ARHGEF3: variants seen among roughly 807,000 people sequenced by gnomAD.
ARHGEF3 encodes the protein 59.8 kDA protein.
ARHGEF3 carries 28 observed loss-of-function variants against 63.2 expected under a neutral mutation model. The observed-to-expected ratio is 0.44, with a 90% CI of 0.33 to 0.61. The LOEUF (loss-of-function observed/expected upper bound fraction) is 0.61. Ranked by LOEUF, ARHGEF3 falls within the 20% of genes least tolerant of loss-of-function variation. The pLI, the probability that ARHGEF3 is intolerant of heterozygous loss-of-function variation, is 0.03. For missense variants in ARHGEF3, 533 were observed against 659.3 expected (o/e 0.81, Z 2.10); for synonymous variants, 266 against 254.2 (o/e 1.05, Z -0.44).
chr3:56,882,026 C>T (rs966481352), intron 4 of ARHGEF3, among the ~76,000 whole-genome samples: 1 of 152,254 alleles, frequency 6.6e-6, no homozygotes, highest in African/African-American at 2.4e-5. Context: ...TATCTAGATT[C>T]TACCCAGATG....
chr3:56,990,004 A>C (rs1174583520), intron 2 of ARHGEF3, among the ~76,000 whole-genome samples: 2 of 152,226 alleles, frequency 1.3e-5, no homozygotes, highest in Non-Finnish European at 2.9e-5. Context: ...ATCAAGGGCA[A>C]GAATTATTTA....
chr3:57,068,819 A>G (rs2129820), intron 1 of ARHGEF3, among the ~76,000 whole-genome samples: 33,556 of 152,050 alleles, frequency 0.22, 4,271 homozygotes, highest in East Asian at 0.48. Flanking sequence ...ATGTGCACAC[A>G]CACGCACACA....
At chr3:56,794,488 CAAAAAAAAAA>C (rs10557985) in intron 1 of ARHGEF3, among the ~76,000 whole-genome samples, 251 of 116,914 alleles carry the variant, frequency 2.1e-3, no homozygotes, top group Non-Finnish European at 3.6e-3. Context: ...GACTCTATCT[CAAAAAAAAAA>C]AAAAAAAAAA....
intron 4 of ARHGEF3, among the ~76,000 whole-genome samples, chr3:56,832,634 T>G (rs2038968465): frequency 2.0e-5 from 3 of 152,158 alleles, no homozygotes; most frequent in Admixed American, 1.3e-4. Flanking sequence ...TAACATAAAA[T>G]TTACCATTTT....
intron 4 of ARHGEF3, among the ~76,000 whole-genome samples, chr3:56,838,775 A>G (rs1449251298): frequency 2.0e-5 from 3 of 152,258 alleles, no homozygotes; most frequent in East Asian, 3.9e-4. Flanking sequence ...AGATCAACAC[A>G]CTATAGCAAA....
intron 3 of ARHGEF3, among the ~76,000 whole-genome samples, chr3:56,953,204 A>C (rs574622241): frequency 6.6e-6 from 1 of 152,216 alleles, no homozygotes; most frequent in Non-Finnish European, 1.5e-5. Context: ...GCCACAATAC[A>C]TACTGACCTG....
Position 57,026,508 on chromosome 3 carries a change from G to A in ARHGEF3, c.62+8580C>T, listed in dbSNP as rs185971372. ...AAGTTGATTGCCCTCCAGAGAAAGC[G>A]TCACACTCTCACCTGGCAGGAATTT... On this transcript the variant is annotated intron_variant, in intron 2 of 12. Transcript: ENST00000338458. Among the ~76,000 whole-genome samples the A allele has an allele frequency of 4.4e-4, 67 of 152,316 alleles. 2 individuals are homozygous for A. The highest frequency in any genetic ancestry group is 2.0e-3 in the Admixed American group (30 of 15,300).
At chr3:57,030,336 G>A (rs1040039817) in intron 2 of ARHGEF3, among the ~76,000 whole-genome samples, 2 of 152,208 alleles carry the variant, frequency 1.3e-5, no homozygotes, top group African/African-American at 4.8e-5. Flanking sequence ...CGGAAGAGGT[G>A]AGCAAGCCAG....
chr3:56,775,837 C>A, intron 1 of ARHGEF3: 1 of 292,288 alleles, frequency 3.4e-6, no homozygotes, highest in Non-Finnish European at 5.1e-6. Flanking sequence ...CTTAAGCATC[C>A]CCTGAATTTG....
At chr3:56,884,281 G>C (rs1262673204) in intron 3 of ARHGEF3, among the ~76,000 whole-genome samples, 1 of 152,050 alleles carries the variant, frequency 6.6e-6, no homozygotes, top group East Asian at 1.9e-4. Context: ...TCAAAACATG[G>C]GTTGGAGGGC....
At chr3:56,988,384 T>A (rs1701622551) in intron 2 of ARHGEF3, among the ~76,000 whole-genome samples, 1 of 152,108 alleles carries the variant, frequency 6.6e-6, no homozygotes, top group South Asian at 2.1e-4. Context: ...CCTAATCTCG[T>A]GATCCACCCG....
At chr3:57,028,065 G>A (rs1703549310) in intron 2 of ARHGEF3, among the ~76,000 whole-genome samples, 1 of 151,138 alleles carries the variant, frequency 6.6e-6, no homozygotes, top group African/African-American at 2.4e-5. Context: ...AGGATGTGGA[G>A]AAATAGGAAC....
intron 3 of ARHGEF3, among the ~76,000 whole-genome samples, chr3:56,889,342 C>T (rs985975429): frequency 3.9e-5 from 6 of 152,128 alleles, no homozygotes; most frequent in Non-Finnish European, 8.8e-5. Flanking sequence ...GCCTGAATAG[C>T]GTGTCCTTAC....
intron 7 of ARHGEF3, among the ~76,000 whole-genome samples, chr3:56,740,822 C>T (rs1273364120): frequency 2.0e-5 from 3 of 152,184 alleles, no homozygotes; most frequent in Non-Finnish European, 2.9e-5. Flanking sequence ...GCGCTTGAGT[C>T]AATTTTCTGA....
At chr3:57,068,796 C>T (rs930593878) in intron 1 of ARHGEF3, among the ~76,000 whole-genome samples, 2 of 152,094 alleles carry the variant, frequency 1.3e-5, no homozygotes, top group Non-Finnish European at 2.9e-5. Flanking sequence ...TTGTGTTTTT[C>T]CCCTAACTTT....
Position 56,801,756 on chromosome 3 carries a change from C to T in ARHGEF3, c.43G>A (p.Ala15Thr). Residue 15 changes from alanine to threonine, a missense_variant, in exon 1 of 10, where the codon GCG becomes ACG. This residue lies in a region of ARHGEF3 where 160 missense variants were observed against 157.3 expected (regional missense o/e 1.02). Transcript: ENST00000296315. ...GGGGGTAGCTCCAGGCTGCAGTTCG[C>T]TCTCTTGACCGTGAGGTAGAAGGGG... Reference protein sequence around the residue: ...DYPFYLTVKRANCSLELPPAS... With the variant: ...DYPFYLTVKRTNCSLELPPAS... The T allele has an allele frequency of 6.4e-7, 1 of 1,569,802 alleles. No individual in the cohort carries two copies. The highest frequency in any genetic ancestry group is 8.6e-7 in the Non-Finnish European group (1 of 1,156,076).
At chr3:56,943,361 C>A (rs890803298) in intron 3 of ARHGEF3, among the ~76,000 whole-genome samples, 2 of 152,186 alleles carry the variant, frequency 1.3e-5, no homozygotes, top group South Asian at 2.1e-4. Flanking sequence ...ATAAAGGGAA[C>A]AACAAAGCCT....
chr3:56,811,207 T>A (rs2038050975), intron 4 of ARHGEF3, among the ~76,000 whole-genome samples: 1 of 152,266 alleles, frequency 6.6e-6, no homozygotes, highest in Non-Finnish European at 1.5e-5. Flanking sequence ...CTCTTGGGAC[T>A]TGATTTACAA....
intron 2 of ARHGEF3, among the ~76,000 whole-genome samples, chr3:57,015,148 C>T (rs548192115): frequency 5.9e-5 from 9 of 152,312 alleles, no homozygotes; most frequent in East Asian, 1.9e-4. Context: ...TATACAGCCA[C>T]GCTCATTCAC....
Sources: gnomAD v4.1 joint callset for allele counts (sites outside exome capture counted in the v4.1 genomes callset) on GRCh38, gnomAD v4.1.1 for gene constraint, gnomAD v4.1.1 regional missense constraint, MANE v1.5 for transcripts, NCBI Gene and HGNC (gene_info 2026-07-23, HGNC 2026-07-21) for gene names.